THSD7A: variants seen among roughly 807,000 people sequenced by gnomAD.
THSD7A encodes the protein thrombospondin type 1 domain containing 7A, also known as thrombospondin type-1 domain-containing protein 7A.
In THSD7A, 96 loss-of-function variants were observed where a neutral mutation model predicts 231.3. The observed-to-expected ratio is 0.41, with a 90% CI of 0.35 to 0.49. The LOEUF (loss-of-function observed/expected upper bound fraction) is 0.49, where lower values mean the gene tolerates loss of function less well. Ranked by LOEUF, THSD7A falls within the 20% of genes least tolerant of loss-of-function variation. The pLI is 0.05. For synonymous variants in THSD7A, 940 were observed against 743.3 expected, an observed-to-expected ratio of 1.26 and a Z score of -4.30; for missense variants, 2,290 against 2,070.2, an observed-to-expected ratio of 1.11 and a Z score of -2.06.
intron 2 of THSD7A, among the ~76,000 whole-genome samples, chr7:11,598,208 G>A (rs978751974): frequency 1.3e-5 from 2 of 152,202 alleles, no homozygotes; most frequent in Non-Finnish European, 1.5e-5. Flanking sequence ...TGGCTGGATG[G>A]TCAGGGACTT....
At chr7:11,450,820 T>C (rs1015201575) in intron 11 of THSD7A, among the ~76,000 whole-genome samples, 1 of 152,028 alleles carries the variant, frequency 6.6e-6, no homozygotes. Flanking sequence ...AGCTGAAGCA[T>C]TGTTAGCAAG....
At chr7:11,715,050 C>T (rs1272785730) in intron 1 of THSD7A, among the ~76,000 whole-genome samples, 1 of 151,392 alleles carries the variant, frequency 6.6e-6, no homozygotes, top group Non-Finnish European at 1.5e-5. Flanking sequence ...TGTTGAATAA[C>T]AACTCTTCCA....
intron 2 of THSD7A, among the ~76,000 whole-genome samples, chr7:11,609,425 A>G (rs1333220506): frequency 6.6e-6 from 1 of 152,172 alleles, no homozygotes; most frequent in African/African-American, 2.4e-5. Flanking sequence ...AACTGGGAGG[A>G]CCCACTTTAA....
At chr7:11,407,236 A>T in intron 20 of THSD7A, 70 bp downstream of exon 20, 1 of 1,455,870 alleles carries the variant, frequency 6.9e-7, no homozygotes, top group Non-Finnish European at 9.5e-7. Flanking sequence ...GATATGGGTT[A>T]AAGCAAGAGG....
Position 11,720,886 on chromosome 7 carries a change from G to T in THSD7A, c.191-83925C>A, listed in dbSNP as rs1173261646. Among the ~76,000 whole-genome samples the T allele has an allele frequency of 6.6e-5, 10 of 151,692 alleles. No individual in the cohort carries two copies. The East Asian group carries it at 2.0e-3, about 30-fold the overall frequency. On this transcript the variant is annotated intron_variant, in intron 1 of 27. Transcript: ENST00000423059. The stretch of plus-strand genomic sequence containing the variant: ...GGACTGCTCCTTCTCTCTGCCCTTT[G>T]CTGGTTCCTTCTACTCTACCCACCC...
intron 1 of THSD7A, among the ~76,000 whole-genome samples, chr7:11,819,995 C>A (rs906198459): frequency 2.0e-4 from 30 of 152,126 alleles, no homozygotes; most frequent in African/African-American, 7.2e-4. Flanking sequence ...AAAATAAAAT[C>A]ATTTTAATCC....
rs530015179 is a variant in THSD7A at position 11,508,659 on chromosome 7, G to A, written c.1823-26677C>T. ...TATTAGCACTACCATGTTCATTGAA[G>A]CATTATTCACAATTGTCAACATGTG... On this transcript the variant is annotated intron_variant, in intron 6 of 27. Coordinates refer to ENST00000423059, the MANE Select transcript of THSD7A (RefSeq NM_015204.3). Among the ~76,000 whole-genome samples the A allele has an allele frequency of 4.6e-5, 7 of 152,300 alleles. No individual in the cohort carries two copies. In the South Asian group the frequency reaches 6.2e-4, roughly 14 times the overall value.
chr7:11,417,585 T>C lies in THSD7A; in HGVS notation c.3402A>G (p.Ala1134=). The C allele has an allele frequency of 6.2e-7, 1 of 1,608,866 alleles. No individual in the cohort carries two copies. Among genetic ancestry groups the C allele is most frequent in the Non-Finnish European group, 8.5e-7 (1 of 1,178,600 alleles). The change falls in exon 17 of 28, where the codon GCA becomes GCG. Residue 1134 remains alanine, a synonymous_variant. Transcript: ENST00000423059. The stretch of plus-strand genomic sequence containing the variant: ...CCTCTACATGTTCAGAAGGGCCATC[T>C]GCTGTATTCTGCATGCATCTAGAAA... ...TRKVRCMQNT[A]DGPSEHVEDY... is the part of the protein sequence containing the mutation.
chr7:11,821,909 A>G (rs1488693445), intron 1 of THSD7A, among the ~76,000 whole-genome samples: 2 of 152,250 alleles, frequency 1.3e-5, no homozygotes, highest in African/African-American at 4.8e-5. Flanking sequence ...GTAAAATAAC[A>G]ACTAGCTCAA....
At chr7:11,382,418 G>A (rs186576391) in intron 24 of THSD7A, 103 bp downstream of exon 24, 2 of 947,542 alleles carry the variant, frequency 2.1e-6, no homozygotes, top group African/African-American at 1.6e-5. Flanking sequence ...AACAGGCTTT[G>A]AATACTGAAA....
intron 2 of THSD7A, among the ~76,000 whole-genome samples, chr7:11,616,643 T>C (rs2128351034): frequency 6.6e-6 from 1 of 152,332 alleles, no homozygotes; most frequent in South Asian, 2.1e-4. Context: ...CCTTTCTTCT[T>C]GGTTCCTTGT....
chr7:11,608,920 T>C (rs1310368033), intron 2 of THSD7A, among the ~76,000 whole-genome samples: 1 of 152,212 alleles, frequency 6.6e-6, no homozygotes, highest in Non-Finnish European at 1.5e-5. Context: ...TTCTCCTGTA[T>C]GTAATTTGCA....
intron 2 of THSD7A, among the ~76,000 whole-genome samples, chr7:11,608,004 CCAGTA>C (rs1780791376): frequency 2.0e-5 from 3 of 152,038 alleles, no homozygotes. Context: ...CCTGAAAGAG[CCAGTA>C]CATAGATTTT....
At chr7:11,720,233 T>C (rs1781303009) in intron 1 of THSD7A, among the ~76,000 whole-genome samples, 1 of 151,796 alleles carries the variant, frequency 6.6e-6, no homozygotes, top group Non-Finnish European at 1.5e-5. Flanking sequence ...TTTCCACAAA[T>C]CATTCCACCT....
At chr7:11,442,518 T>G (rs1404554665) in intron 13 of THSD7A, among the ~76,000 whole-genome samples, 1 of 151,992 alleles carries the variant, frequency 6.6e-6, no homozygotes, top group Non-Finnish European at 1.5e-5. Flanking sequence ...GATACTTTTT[T>G]CTCCAGAGCC....
intron 4 of THSD7A, among the ~76,000 whole-genome samples, chr7:11,560,745 G>C (rs1034742): frequency 0.48 from 72,385 of 151,886 alleles, 17,611 homozygotes; most frequent in Middle Eastern, 0.6. Flanking sequence ...ATTCTCCCCA[G>C]CTCCACTGAG....
chr7:11,633,920 C>A (rs1415855392), intron 2 of THSD7A, among the ~76,000 whole-genome samples: 1 of 152,028 alleles, frequency 6.6e-6, no homozygotes, highest in African/African-American at 2.4e-5. Context: ...AAAATTGTTT[C>A]TGGATTTAAT....
chr7:11,636,408 G>T lies in THSD7A; in HGVS notation c.744C>A (p.Ala248=). Residue 248 remains alanine (A), a synonymous_variant, in exon 2 of 28, where the codon GCC becomes GCA. Transcript: ENST00000423059. The surrounding 1 kb of genome is among the most constrained non-coding windows in gnomAD (Gnocchi z 10.0). ...FQVCQSSPCE[A]EELRYSLHVG... is the part of the protein sequence containing the mutation. ...CATGCAGGCTGTACCTGAGCTCCTC[G>T]GCCTCGCATGGACTGGATTGGCACA... is the stretch of plus-strand genomic sequence containing the variant. 6.2e-7 allele frequency: 1 copy of T among 1,613,626 alleles called. No individual in the cohort carries two copies. Among genetic ancestry groups the T allele is most frequent in the Non-Finnish European group, 8.5e-7 (1 of 1,179,874 alleles).
At chr7:11,430,630 G>A (rs953254377) in intron 13 of THSD7A, among the ~76,000 whole-genome samples, 3 of 150,484 alleles carry the variant, frequency 2.0e-5, no homozygotes, top group Admixed American at 6.6e-5. Flanking sequence ...CATGCCAGGC[G>A]AATTTTCATA....
Sources: gnomAD v4.1 joint callset for allele counts (sites outside exome capture counted in the v4.1 genomes callset) on GRCh38, gnomAD v4.1.1 for gene constraint, Gnocchi (gnomAD v3.1) non-coding constraint, MANE v1.5 for transcripts, NCBI Gene and HGNC (gene_info 2026-07-23, HGNC 2026-07-21) for gene names.